Variants in BTNL3 observed in about 807,000 individuals in gnomAD.
BTNL3 encodes the protein butyrophilin-like protein 3.
BTNL3 carries 20 observed loss-of-function variants against 40.1 expected under a neutral mutation model. The observed-to-expected ratio is 0.50, with a 90% CI of 0.35 to 0.72. The LOEUF (loss-of-function observed/expected upper bound fraction) is 0.72, where lower values mean the gene tolerates loss of function less well. Among genes scored for constraint, BTNL3 ranks in the 30% least tolerant of loss-of-function variants. The probability of loss-of-function intolerance (pLI) is 0.01; values close to 1 mark genes in which losing one functional copy is unlikely to be tolerated. For synonymous variants in BTNL3, 179 were observed against 222.1 expected, an observed-to-expected ratio of 0.81 and a Z score of 1.73; for missense variants, 449 against 582.2, an observed-to-expected ratio of 0.77 and a Z score of 2.35.
chr5:181,001,603 T>C (rs140902909), intron 3 of BTNL3, among the ~76,000 whole-genome samples: 11,543 of 133,258 alleles, frequency 0.087, 2,767 homozygotes, highest in Middle Eastern at 0.14. Context: ...CCCAGCACTT[T>C]GGGAGGCCGA....
rs371454208 is a variant in BTNL3 at position 181,004,758 on chromosome 5, C to G, written c.858C>G (p.His286Gln). The change falls in exon 7 of 8, where the codon CAC becomes CAG. Residue 286 changes from histidine to glutamine, a missense_variant. Physicochemically the swap from His to Gln is conservative, Grantham distance 24 (BLOSUM62 0). Coordinates refer to ENST00000342868, the MANE Select transcript of BTNL3 (RefSeq NM_197975.3). Reference sequence around the variant, plus strand: ...CAGAATTGAGAGACGCCCGGAAACACGCAGGTACCAACGCCTGAGAGGGTA... The same window carrying G: ...CAGAATTGAGAGACGCCCGGAAACAGGCAGGTACCAACGCCTGAGAGGGTA... Reference protein sequence around the residue: ...GQAELRDARKHAVEVTLDPET... With the variant: ...GQAELRDARKQAVEVTLDPET... 7 of 1,614,132 alleles carry G rather than the reference C, an allele frequency of 4.3e-6. No individual in the cohort carries two copies. Among genetic ancestry groups the G allele is most frequent in the Non-Finnish European group, 5.9e-6 (7 of 1,180,038 alleles).
At chr5:180,989,989 A>T in intron 1 of BTNL3, among the ~76,000 whole-genome samples, 1 of 135,824 alleles carries the variant, frequency 7.4e-6, no homozygotes, top group Non-Finnish European at 1.7e-5. Context: ...GTGAAACCCC[A>T]TCTCTACTAA....
chr5:181,005,603 T>C lies in BTNL3; in HGVS notation c.1132T>C (p.Trp378Arg). The C allele has an allele frequency of 6.2e-7, 1 of 1,614,016 alleles. No individual in the cohort carries two copies. The highest frequency in any genetic ancestry group is 1.7e-5 in the Admixed American group (1 of 60,000). Residue 378 changes from tryptophan to arginine, a missense_variant, in exon 8 of 8, where the codon TGG (tryptophan) becomes CGG (arginine). Transcript: ENST00000342868. ...NVTLSPNNGY[W>R]VLRLTTEHLY... ...GACTTTGTCTCCCAACAATGGGTAT[T>C]GGGTCCTCAGACTGACAACAGAACA...
Position 180,998,876 on chromosome 5 carries a change from C to T in BTNL3, c.673+1388C>T, listed in dbSNP as rs181759071. Among the ~76,000 whole-genome samples, 258 of 137,514 alleles carry T rather than the reference C, an allele frequency of 1.9e-3. 48 individuals are homozygous for T. Among genetic ancestry groups the T allele is most frequent in the South Asian group, 0.016 (72 of 4,622 alleles). 90.2% of individuals were successfully genotyped at this position (137,514 alleles called of 152,430 possible). A position where few individuals can be genotyped will look rare whatever the true frequency, so the allele number is the denominator to read the frequency against. ...GCGCAGTGGCTCACGCCTGTAATCC[C>T]AGCACTTTGGAAGGCCAAGACAGGC... On this transcript the variant is annotated intron_variant, in intron 3 of 7. Transcript: ENST00000342868.
rs147062776 is a variant in BTNL3 at position 180,988,939 on chromosome 5, G to A, written c.-90G>A. 672 of 1,336,756 alleles carry A rather than the reference G, an allele frequency of 5.0e-4. 127 individuals carry two copies. Among genetic ancestry groups the A allele is most frequent in the Middle Eastern group, 4.1e-3 (22 of 5,322 alleles). 82.8% of individuals were successfully genotyped at this position (1,336,756 alleles called of 1,614,324 possible). A position where few individuals can be genotyped will look rare whatever the true frequency, so the allele number is the denominator to read the frequency against. ...TGAAGAGCCTCTCCACGGCTCCTGCGCCTGAGACAGCTGGCCTGACCTCCA... is the reference window on the plus strand; with the variant it reads ...TGAAGAGCCTCTCCACGGCTCCTGCACCTGAGACAGCTGGCCTGACCTCCA... On this transcript the variant is annotated 5_prime_UTR_variant, in exon 1 of 8. Coordinates refer to ENST00000342868, the MANE Select transcript of BTNL3 (RefSeq NM_197975.3).
intron 1 of BTNL3, among the ~76,000 whole-genome samples, chr5:180,990,651 G>C (rs538229223): frequency 7.2e-6 from 1 of 138,060 alleles, no homozygotes; most frequent in African/African-American, 2.5e-5. Context: ...CCTGGCTTGA[G>C]AGTCTCACAC....
chr5:181,003,730 T>G (rs1265451488), intron 4 of BTNL3, 126 bp from the exon 5 acceptor site: 1 of 1,524,718 alleles, frequency 6.6e-7, no homozygotes, highest in Non-Finnish European at 9.0e-7. Flanking sequence ...CGAGCACATA[T>G]AAGTGTCCTA....
chr5:181,005,321 C>A lies in BTNL3; in HGVS notation c.863-13C>A, dbSNP rs749318904. ...AGTAACTCATGCTTCCTCTCTCCCCCACCGCACCCCAGTGGAGGTGACTCT... is the reference window on the plus strand; with the variant it reads ...AGTAACTCATGCTTCCTCTCTCCCCAACCGCACCCCAGTGGAGGTGACTCT... On this transcript the variant is annotated splice_polypyrimidine_tract_variant and intron_variant, in intron 7 of 7. Transcript: ENST00000342868. The A allele has an allele frequency of 2.6e-5, 41 of 1,605,816 alleles. No homozygotes were observed. Among genetic ancestry groups the A allele is most frequent in the Non-Finnish European group, 3.5e-5 (41 of 1,174,860 alleles).
intron 2 of BTNL3, among the ~76,000 whole-genome samples, chr5:180,996,647 C>T (rs1760037941): frequency 7.3e-6 from 1 of 136,444 alleles, no homozygotes; most frequent in South Asian, 2.2e-4. Context: ...TAACTTTTCA[C>T]ATTGTGGTTT....
At position 180,998,861 on chromosome 5, in the gene BTNL3, T is replaced by C. The variant is rs956363774; in HGVS notation, c.673+1373T>C. On this transcript the variant is annotated intron_variant, in intron 3 of 7. Coordinates refer to ENST00000342868, the MANE Select transcript of BTNL3 (RefSeq NM_197975.3). ...ATTTTATCTGGCCGGGCGCAGTGGC[T>C]CACGCCTGTAATCCCAGCACTTTGG... 8.7e-5 allele frequency among the ~76,000 whole-genome samples: 12 copies of C among 137,802 alleles called. 1 individual carries two copies. Among genetic ancestry groups the C allele is most frequent in the African/African-American group, 3.0e-4 (12 of 40,022 alleles). The allele number at this position is 137,802 out of a possible 152,430, so 90.4% of individuals were successfully genotyped here.
intron 7 of BTNL3, among the ~76,000 whole-genome samples, chr5:181,005,051 T>C (rs1760195066): frequency 1.3e-5 from 2 of 151,810 alleles, no homozygotes; most frequent in Admixed American, 1.3e-4. Context: ...AACTGGTGGG[T>C]GGAAGGAAGC....
intron 2 of BTNL3, among the ~76,000 whole-genome samples, chr5:180,993,474 C>A (rs992561209): frequency 2.2e-5 from 3 of 136,760 alleles, no homozygotes; most frequent in Non-Finnish European, 5.0e-5. Context: ...TTATTTTCTT[C>A]TTTTTTCTTG....
At chr5:180,998,506 T>C (rs1309093112) in intron 3 of BTNL3, among the ~76,000 whole-genome samples, 5 of 136,788 alleles carry the variant, frequency 3.7e-5, no homozygotes, top group African/African-American at 1.3e-4. Flanking sequence ...GAGATGGCAC[T>C]CCAGGTTTGT....
chr5:180,999,130 A>T lies in BTNL3; in HGVS notation c.673+1642A>T, dbSNP rs939188126. ...CGATAGAGCAAGACTCCATCTCAAA[A>T]ATATATATATATATATCCTTTAATG... On this transcript the variant is annotated intron_variant, in intron 3 of 7. Coordinates refer to ENST00000342868, the MANE Select transcript of BTNL3 (RefSeq NM_197975.3). 1.5e-5 allele frequency among the ~76,000 whole-genome samples: 2 copies of T among 133,524 alleles called. 1 individual carries two copies. The highest frequency in any genetic ancestry group is 3.4e-5 in the Non-Finnish European group (2 of 58,554). 87.6% of individuals were successfully genotyped at this position (133,524 alleles called of 152,430 possible).
intron 2 of BTNL3, among the ~76,000 whole-genome samples, chr5:180,996,717 T>C (rs1760038655): frequency 7.3e-6 from 1 of 136,290 alleles, no homozygotes; most frequent in African/African-American, 2.5e-5. Context: ...ACAACAAAAC[T>C]CCTATTTTCT....
At chr5:180,990,233 C>T (rs1274300992) in intron 1 of BTNL3, among the ~76,000 whole-genome samples, 1 of 137,570 alleles carries the variant, frequency 7.3e-6, no homozygotes, top group Middle Eastern at 3.6e-3. Flanking sequence ...TACATTCTCA[C>T]CCATTTTCTG....
Position 180,990,812 on chromosome 5 carries a change from T to A in BTNL3, c.49+1735T>A, listed in dbSNP as rs543762369. On this transcript the variant is annotated intron_variant, in intron 1 of 7. Transcript: ENST00000342868. ...TGCAGAGAGTGAAGCCAGCGGGAGG[T>A]AAGCCATAGAGGGTGCGCTAATGAG... Among the ~76,000 whole-genome samples the A allele has an allele frequency of 1.5e-5, 2 of 135,746 alleles. 1 individual carries two copies. The highest frequency in any genetic ancestry group is 4.4e-4 in the East Asian group (2 of 4,570). The allele number at this position is 135,746 out of a possible 152,430, so 89.1% of individuals were successfully genotyped here.
chr5:181,003,416 C>T lies in BTNL3; in HGVS notation c.788-440C>T, dbSNP rs77875804. ...ATAAATAAATTTCTACTAACGACAACAAGAGACAATAAGAAAATTTCAGGG... is the reference window on the plus strand; with the variant it reads ...ATAAATAAATTTCTACTAACGACAATAAGAGACAATAAGAAAATTTCAGGG... On this transcript the variant is annotated intron_variant, in intron 4 of 7. Transcript: ENST00000342868. 8.0e-3 allele frequency among the ~76,000 whole-genome samples: 1,091 copies of T among 136,010 alleles called. 116 individuals are homozygous for T. The highest frequency in any genetic ancestry group is 0.026 in the African/African-American group (1,020 of 39,626). The allele number at this position is 136,010 out of a possible 152,430, so 89.2% of individuals were successfully genotyped here. A position where few individuals can be genotyped will look rare whatever the true frequency, so the allele number is the denominator to read the frequency against.
At chr5:180,995,709 C>T (rs1205958682) in intron 2 of BTNL3, among the ~76,000 whole-genome samples, 1 of 135,980 alleles carries the variant, frequency 7.4e-6, no homozygotes, top group Non-Finnish European at 1.7e-5. Flanking sequence ...AATTCTTTTG[C>T]CAGCACCACT....
Sources: allele counts gnomAD v4.1 joint callset (sites outside exome capture counted in the v4.1 genomes callset), GRCh38; gene constraint gnomAD v4.1.1; transcripts MANE v1.5; gene names NCBI Gene and HGNC (gene_info 2026-07-23, HGNC 2026-07-21).